Variants in OGDH observed in about 807,000 individuals in gnomAD.
OGDH encodes the protein oxoglutarate dehydrogenase, also known as 2-oxoglutarate dehydrogenase complex component E1.
Under a neutral mutation model 116.6 loss-of-function variants are expected in OGDH, and 38 were observed. The observed-to-expected ratio is 0.33, with a 90% CI of 0.25 to 0.43. The LOEUF is 0.43. Ranked by LOEUF, OGDH falls within the 20% of genes least tolerant of loss-of-function variation. OGDH has a pLI of 1.00. For synonymous variants in OGDH, 488 were observed against 533.3 expected (o/e 0.92, Z 1.17); for missense variants, 825 against 1,357.2 (o/e 0.61, Z 6.16).
At chr7:44,640,752 A>G (rs1266952106) in intron 2 of OGDH, among the ~76,000 whole-genome samples, 1 of 152,122 alleles carries the variant, frequency 6.6e-6, no homozygotes, top group African/African-American at 2.4e-5. Context: ...GTCATGCCCT[A>G]TCCATGAACC....
At chr7:44,676,968 G>T (rs138758785) in intron 9 of OGDH, among the ~76,000 whole-genome samples, 268 of 152,276 alleles carry the variant, frequency 1.8e-3, no homozygotes, top group Non-Finnish European at 3.2e-3. Flanking sequence ...CAGACTGCAG[G>T]CAGGTGGGGT....
In OGDH at chr7:44,674,430, C is replaced by T; in HGVS notation, c.808C>T (p.Arg270Trp). 6.2e-7 allele frequency: 1 copy of T among 1,614,088 alleles called. No homozygotes were observed. The highest frequency in any genetic ancestry group is 8.5e-7 in the Non-Finnish European group (1 of 1,180,002). ...RSTRFEEFLQ[R>W]KWSSEKRFGL... The stretch of plus-strand genomic sequence containing the variant: ...GTCCAGGTTTGAGGAGTTCCTACAG[C>T]GGAAGTGGTCCTCTGAGAAGCGCTT... Residue 270 changes from arginine (R) to tryptophan (W), a missense_variant, in exon 7 of 23, where the codon CGG becomes TGG. This residue lies in a region of OGDH where 171 missense variants were observed against 276.8 expected (regional missense o/e 0.62). Transcript: ENST00000222673.
chr7:44,660,445 C>T (rs1302738957), intron 4 of OGDH, among the ~76,000 whole-genome samples: 1 of 151,936 alleles, frequency 6.6e-6, no homozygotes, highest in Non-Finnish European at 1.5e-5. Flanking sequence ...TTCTTGTTAC[C>T]TTTCTTATTA....
Position 44,707,819 on chromosome 7 carries a change from G to A in OGDH, c.2952-60G>A, listed in dbSNP as rs1789151979. ...AGTTAGCCAGGCACATGCAGCAGAG[G>A]GATGGGCTGGGCCAACTCAGTGTCC... On this transcript the variant is annotated intron_variant, in intron 22 of 22. Coordinates refer to ENST00000222673, the MANE Select transcript of OGDH (RefSeq NM_002541.4). This position sits in a 1 kb window ranked among gnomAD's most constrained non-coding sequence, Gnocchi z 5.2. The A allele has an allele frequency of 6.2e-7, 1 of 1,608,768 alleles. No individual in the cohort carries two copies. The highest frequency in any genetic ancestry group is 1.3e-5 in the African/African-American group (1 of 74,864).
intron 12 of OGDH, among the ~76,000 whole-genome samples, chr7:44,695,152 G>A (rs772129365): frequency 2.6e-5 from 4 of 152,016 alleles, no homozygotes; most frequent in Non-Finnish European, 4.4e-5. Flanking sequence ...CTGGAGTGCC[G>A]TGGCATGATC....
chr7:44,686,207 C>G (rs982414878), intron 10 of OGDH, among the ~76,000 whole-genome samples: 2 of 152,104 alleles, frequency 1.3e-5, no homozygotes, highest in East Asian at 1.9e-4. Flanking sequence ...TGGATAAAAA[C>G]GGACATCCTT....
intron 5 of OGDH, among the ~76,000 whole-genome samples, chr7:44,669,424 T>C (rs544644867): frequency 6.6e-6 from 1 of 152,188 alleles, no homozygotes; most frequent in South Asian, 2.1e-4. Context: ...AATGCTGGGA[T>C]TACAGGCATG....
intron 5 of OGDH, among the ~76,000 whole-genome samples, chr7:44,671,762 C>T (rs1178672832): frequency 1.8e-5 from 2 of 108,470 alleles, no homozygotes; most frequent in East Asian, 2.7e-4. Flanking sequence ...AGCGAGACTG[C>T]GTCTCAAAAA....
intron 5 of OGDH, among the ~76,000 whole-genome samples, chr7:44,668,921 A>T (rs978103057): frequency 1.3e-5 from 2 of 152,170 alleles, no homozygotes; most frequent in Non-Finnish European, 2.9e-5. Flanking sequence ...AATGTTGCTG[A>T]TCTGTGAAGT....
intron 5 of OGDH, among the ~76,000 whole-genome samples, chr7:44,672,746 G>A (rs1386049059): frequency 6.6e-5 from 10 of 150,610 alleles, no homozygotes; most frequent in Non-Finnish European, 1.2e-4. Flanking sequence ...GGGTTCAAGC[G>A]ATTCTCCTGC....
At chr7:44,670,748 A>C (rs149583644) in intron 5 of OGDH, among the ~76,000 whole-genome samples, 1,596 of 152,012 alleles carry the variant, frequency 0.01, 19 homozygotes, top group African/African-American at 0.026. Context: ...TGGTGGCTCA[A>C]GCCTGTAATC....
chr7:44,676,424 G>A lies in OGDH; in HGVS notation c.1206+275G>A, dbSNP rs542794889. The A allele has an allele frequency of 4.9e-4, 281 of 572,562 alleles. 5 individuals carry two copies. Among genetic ancestry groups the A allele is most frequent in the South Asian group, 4.7e-3 (218 of 46,362 alleles). 35.5% of individuals were successfully genotyped at this position (572,562 alleles called of 1,614,324 possible). A position where few individuals can be genotyped will look rare whatever the true frequency, so the allele number is the denominator to read the frequency against. ...TACAAAATTAGCTGGGCGTGGTGGC[G>A]CGCGCCTGTAATCCCAGCTACTCAG... On this transcript the variant is annotated intron_variant, in intron 9 of 22. Coordinates refer to ENST00000222673, the MANE Select transcript of OGDH (RefSeq NM_002541.4).
intron 4 of OGDH, among the ~76,000 whole-genome samples, chr7:44,653,356 G>A (rs930599063): frequency 6.6e-6 from 1 of 152,146 alleles, no homozygotes; most frequent in African/African-American, 2.4e-5. Context: ...GACTCCCAAA[G>A]TGTTGGGATT....
intron 10 of OGDH, among the ~76,000 whole-genome samples, chr7:44,689,469 C>T (rs771730394): frequency 7.2e-6 from 1 of 138,872 alleles, no homozygotes. Context: ...GAACTCTTGA[C>T]CTCAAGTTAT....
At chr7:44,640,435 G>C (rs1562631648) in intron 2 of OGDH, among the ~76,000 whole-genome samples, 1 of 151,832 alleles carries the variant, frequency 6.6e-6, no homozygotes, top group East Asian at 1.9e-4. Context: ...TGCTGCTATT[G>C]GTGGGTTTTT....
intron 2 of OGDH, among the ~76,000 whole-genome samples, chr7:44,636,739 T>C (rs1000684756): frequency 1.3e-5 from 2 of 152,208 alleles, no homozygotes; most frequent in Admixed American, 1.3e-4. Flanking sequence ...AGCAGTGACT[T>C]TTGACTTGGA....
At chr7:44,623,063 T>C (rs1038582139) in intron 1 of OGDH, among the ~76,000 whole-genome samples, 12 of 152,126 alleles carry the variant, frequency 7.9e-5, no homozygotes, top group African/African-American at 2.9e-4. Flanking sequence ...CACCCACGTC[T>C]CCCTTGCTCA....
In OGDH at chr7:44,696,468, G is replaced by C; in HGVS notation, c.1811G>C (p.Cys604Ser). 1 of 1,614,198 alleles carries C rather than the reference G, an allele frequency of 6.2e-7. No individual in the cohort carries two copies. The highest frequency in any genetic ancestry group is 8.5e-7 in the Non-Finnish European group (1 of 1,180,018). Residue 604 changes from cysteine to serine, a missense_variant, in exon 14 of 23, where the codon TGC becomes TCC. Physicochemically the swap from Cys to Ser is moderately radical, Grantham distance 112. Coordinates refer to ENST00000222673, the MANE Select transcript of OGDH (RefSeq NM_002541.4). ...TLDGQPRSMS[C>S]PSTGLTEDIL... The stretch of plus-strand genomic sequence containing the variant: ...GACGGGCAGCCCAGGAGCATGTCCT[G>C]CCCCTCCACGGGTCTGACGGAGGAT...
chr7:44,691,497 G>T (rs529525247), intron 10 of OGDH, among the ~76,000 whole-genome samples: 1 of 142,672 alleles, frequency 7.0e-6, no homozygotes. Context: ...ACACCACTAC[G>T]TTCCAGCCTG....
Sources: gnomAD v4.1 joint callset for allele counts (sites outside exome capture counted in the v4.1 genomes callset) on GRCh38, gnomAD v4.1.1 for gene constraint, gnomAD v4.1.1 regional missense constraint, Gnocchi (gnomAD v3.1) non-coding constraint, MANE v1.5 for transcripts, NCBI Gene and HGNC (gene_info 2026-07-23, HGNC 2026-07-21) for gene names.